CNTN4: variants seen among roughly 807,000 people sequenced by gnomAD.
CNTN4 encodes contactin-4.
CNTN4 carries 77 observed loss-of-function variants against 122.5 expected under a neutral mutation model. That is an observed-to-expected ratio of 0.63 (90% CI 0.52 to 0.76). The LOEUF (loss-of-function observed/expected upper bound fraction) is 0.76. Among genes scored for constraint, CNTN4 ranks in the 30% least tolerant of loss-of-function variants. CNTN4 has a pLI of 0.00. For missense variants in CNTN4, 1,256 were observed against 1,259.1 expected (o/e 1.00, Z 0.04); for synonymous variants, 512 against 447.0 (o/e 1.15, Z -1.83).
chr3:2,445,846 G>A (rs1281912251), intron 3 of CNTN4, among the ~76,000 whole-genome samples: 5 of 152,160 alleles, frequency 3.3e-5, no homozygotes, highest in African/African-American at 4.8e-5. Context: ...CTGACACTCC[G>A]GGATGCTGCT....
At chr3:2,416,118 AAT>A (rs71621488) in intron 3 of CNTN4, among the ~76,000 whole-genome samples, 27,496 of 150,438 alleles carry the variant, frequency 0.18, 2,928 homozygotes, top group Non-Finnish European at 0.25. Context: ...GGAAGCAAGA[AAT>A]ATATATATAT....
At chr3:2,952,510 C>A (rs1021922187) in intron 13 of CNTN4, among the ~76,000 whole-genome samples, 6 of 152,092 alleles carry the variant, frequency 3.9e-5, no homozygotes, top group African/African-American at 1.4e-4. Flanking sequence ...TTGTTACATG[C>A]ATTTTTAGGT....
rs546325565 is a variant in CNTN4 at position 2,497,203 on chromosome 3, C to T, written c.-88-74213C>T. 1.1e-4 allele frequency among the ~76,000 whole-genome samples: 17 copies of T among 152,176 alleles called. No homozygotes were observed. The South Asian group carries it at 3.3e-3, about 30-fold the overall frequency. On this transcript the variant is annotated intron_variant, in intron 3 of 24. Coordinates refer to ENST00000418658, the MANE Select transcript of CNTN4 (RefSeq NM_175607.3). ...TCTTTCATATGTATTTCACTGTGTT[C>T]CTCTGACACTGTTTGAAATTTTAAG... is the stretch of plus-strand genomic sequence containing the variant.
chr3:2,920,471 C>A (rs4685581), intron 12 of CNTN4, among the ~76,000 whole-genome samples: 83,481 of 149,788 alleles, frequency 0.56, 23,385 homozygotes, highest in East Asian at 0.68. Context: ...TTAACTGTAT[C>A]TACATAAGAT....
chr3:2,324,174 A>G (rs1251532293), intron 2 of CNTN4, among the ~76,000 whole-genome samples: 4 of 152,152 alleles, frequency 2.6e-5, no homozygotes, highest in African/African-American at 9.7e-5. Flanking sequence ...CAAGAAGAGC[A>G]GTTTAGAGCA....
intron 2 of CNTN4, among the ~76,000 whole-genome samples, chr3:2,204,470 A>C (rs1439650273): frequency 6.6e-6 from 1 of 152,184 alleles, no homozygotes; most frequent in Non-Finnish European, 1.5e-5. Flanking sequence ...TTCTTCTTGA[A>C]GTTTTGCACT....
intron 3 of CNTN4, among the ~76,000 whole-genome samples, chr3:2,508,594 T>C (rs2076798706): frequency 6.6e-6 from 1 of 152,192 alleles, no homozygotes; most frequent in Non-Finnish European, 1.5e-5. Context: ...CAGGTTCTTA[T>C]TAGCCTTGAC....
rs142416868 is a variant in CNTN4 at position 2,961,799 on chromosome 3, G to C, written c.1359-26546G>C. Among the ~76,000 whole-genome samples the C allele has an allele frequency of 6.4e-4, 98 of 152,294 alleles. No individual in the cohort carries two copies. In the East Asian group the frequency reaches 0.015, roughly 24 times the overall value. ...TTAGCCATGGTGCAATGCTTTGAGG[G>C]CGAAAACAAAGCCATCCATTTAGAT... is the stretch of plus-strand genomic sequence containing the variant. On this transcript the variant is annotated intron_variant, in intron 13 of 24. Coordinates refer to ENST00000418658, the MANE Select transcript of CNTN4 (RefSeq NM_175607.3).
Position 2,819,560 on chromosome 3 carries a change from G to A in CNTN4, c.433G>A (p.Gly145Ser). 6.2e-7 allele frequency: 1 copy of A among 1,613,568 alleles called. No individual in the cohort carries two copies. Residue 145 changes from glycine (G) to serine (S), a missense_variant, in exon 7 of 25, where the codon GGC becomes AGC. Coordinates refer to ENST00000418658, the MANE Select transcript of CNTN4 (RefSeq NM_175607.3). ...RRGQGMVLLC[G>S]PPPHSGELSY... is the part of the protein sequence containing the mutation. ...AGGTCAAGGAATGGTGCTACTGTGTGGCCCGCCACCCCATTCTGGAGGTAC... is the reference window on the plus strand; with the variant it reads ...AGGTCAAGGAATGGTGCTACTGTGTAGCCCGCCACCCCATTCTGGAGGTAC...
At chr3:2,272,420 C>T in intron 2 of CNTN4, among the ~76,000 whole-genome samples, 1 of 152,040 alleles carries the variant, frequency 6.6e-6, no homozygotes, top group South Asian at 2.1e-4. Flanking sequence ...TATATGTTGA[C>T]CCTCATCATT....
At chr3:2,520,356 T>A (rs1489706709) in intron 3 of CNTN4, among the ~76,000 whole-genome samples, 1 of 141,704 alleles carries the variant, frequency 7.1e-6, no homozygotes, top group East Asian at 2.2e-4. Context: ...CACTGCAACA[T>A]TCACCATCTG....
At position 3,026,202 on chromosome 3, in the gene CNTN4, C is replaced by T. The variant is rs753950086; in HGVS notation, c.1587C>T (p.Ile529=). Residue 529 remains isoleucine, a synonymous_variant, in exon 15 of 25, where the codon ATC becomes ATT. Coordinates refer to ENST00000418658, the MANE Select transcript of CNTN4 (RefSeq NM_175607.3). ...TAACGCATGATCACTCGCTAGACAT[C>T]GTGTTTACTTGGTCATTTAATGGAC... The part of the protein sequence containing the change: ...CQVTHDHSLD[I]VFTWSFNGHL... The T allele has an allele frequency of 1.4e-5, 23 of 1,613,380 alleles. No individual in the cohort carries two copies. Among genetic ancestry groups the T allele is most frequent in the South Asian group, 8.8e-5 (8 of 91,072 alleles).
At chr3:2,649,060 C>T (rs2083253630) in intron 4 of CNTN4, among the ~76,000 whole-genome samples, 1 of 152,124 alleles carries the variant, frequency 6.6e-6, no homozygotes, top group East Asian at 1.9e-4. Flanking sequence ...GGCCTGGAAG[C>T]TGCAGAAAAG....
At chr3:2,518,127 T>A (rs938298300) in intron 3 of CNTN4, among the ~76,000 whole-genome samples, 18 of 142,818 alleles carry the variant, frequency 1.3e-4, no homozygotes, top group African/African-American at 4.4e-4. Flanking sequence ...GTGAGTACAT[T>A]TAAGAGATGT....
chr3:2,793,606 G>A (rs9883957), intron 6 of CNTN4, among the ~76,000 whole-genome samples: 1,770 of 152,172 alleles, frequency 0.012, 37 homozygotes, highest in African/African-American at 0.04. Flanking sequence ...TTTGAGGGAT[G>A]TTTTGATAGT....
intron 4 of CNTN4, among the ~76,000 whole-genome samples, chr3:2,611,066 G>T (rs1157967116): frequency 6.6e-6 from 1 of 151,706 alleles, no homozygotes; most frequent in Non-Finnish European, 1.5e-5. Context: ...TTTGATTCAG[G>T]TGATGACTAT....
At chr3:2,103,529 C>G (rs2032170260) in intron 2 of CNTN4, among the ~76,000 whole-genome samples, 1 of 152,164 alleles carries the variant, frequency 6.6e-6, no homozygotes, top group South Asian at 2.1e-4. Context: ...CTACCACTTT[C>G]ATGCTTCAGT....
chr3:2,744,053 G>T (rs569548579), intron 5 of CNTN4, among the ~76,000 whole-genome samples: 1 of 152,300 alleles, frequency 6.6e-6, no homozygotes, highest in East Asian at 1.9e-4. Context: ...GGGCTCAAGA[G>T]ACCTGCCTGC....
At chr3:2,828,347 C>G (rs1226783160) in intron 7 of CNTN4, among the ~76,000 whole-genome samples, 1 of 152,078 alleles carries the variant, frequency 6.6e-6, no homozygotes, top group Admixed American at 6.5e-5. Context: ...TTAAAAGCCA[C>G]AGGTGTCCAG....
Sources: gnomAD v4.1 joint callset for allele counts (sites outside exome capture counted in the v4.1 genomes callset) on GRCh38, gnomAD v4.1.1 for gene constraint, MANE v1.5 for transcripts, NCBI Gene and HGNC (gene_info 2026-07-23, HGNC 2026-07-21) for gene names.